SLC4A8: variants seen among roughly 807,000 people sequenced by gnomAD.
The protein encoded by SLC4A8 is electroneutral sodium bicarbonate exchanger 1.
A neutral mutation model predicts 125.0 loss-of-function variants in SLC4A8; 40 were observed. The observed-to-expected ratio is 0.32, with a 90% CI of 0.25 to 0.42. The LOEUF is 0.42. SLC4A8 is among the 10% of genes least tolerant of loss of function. The pLI, the probability that SLC4A8 is intolerant of heterozygous loss-of-function variation, is 1.00. For missense variants in SLC4A8, 863 were observed against 1,355.1 expected (o/e 0.64, Z 5.70); for synonymous variants, 456 against 476.0 (o/e 0.96, Z 0.55).
chr12:51,429,329 T>C (rs1029158406), intron 1 of SLC4A8, among the ~76,000 whole-genome samples: 1 of 152,234 alleles, frequency 6.6e-6, no homozygotes, highest in Non-Finnish European at 1.5e-5. Context: ...TGTGTCTTTG[T>C]TGCCTATAAC....
chr12:51,451,101 G>A (rs1949953480), intron 3 of SLC4A8, 79 bp downstream of exon 3: 2 of 1,200,702 alleles, frequency 1.7e-6, no homozygotes, highest in South Asian at 2.3e-5. Context: ...ACTGACATTA[G>A]CAGCTGGTCT....
chr12:51,443,126 T>C (rs1949654426), intron 2 of SLC4A8, among the ~76,000 whole-genome samples: 2 of 152,172 alleles, frequency 1.3e-5, no homozygotes, highest in South Asian at 4.1e-4. Context: ...TTTTTGTTTT[T>C]GTTTGATTGT....
intron 16 of SLC4A8, among the ~76,000 whole-genome samples, chr12:51,478,001 G>C (rs1329236505): frequency 1.3e-5 from 2 of 152,190 alleles, no homozygotes; most frequent in Non-Finnish European, 2.9e-5. Flanking sequence ...CATGGGCCGG[G>C]CGCAGTGGCT....
intron 1 of SLC4A8, among the ~76,000 whole-genome samples, chr12:51,418,854 C>CA (rs1948733971): frequency 6.6e-6 from 1 of 152,066 alleles, no homozygotes; most frequent in South Asian, 2.1e-4. Context: ...TAATGTGCTT[C>CA]AGTAATAGTT....
chr12:51,462,493 CT>C, intron 10 of SLC4A8, 37 bp downstream of exon 10: 1 of 1,510,304 alleles, frequency 6.6e-7, no homozygotes, highest in Non-Finnish European at 8.9e-7. Flanking sequence ...GCTATTGTCA[CT>C]TACTGACTGC....
chr12:51,450,989 C>T lies in SLC4A8; in HGVS notation c.244C>T (p.Gln82Ter). 3.2e-6 allele frequency: 5 copies of T among 1,562,790 alleles called. No individual in the cohort carries two copies. Among genetic ancestry groups the T allele is most frequent in the Non-Finnish European group, 4.3e-6 (5 of 1,152,092 alleles). The change falls in exon 3 of 25, where the codon CAG (glutamine) becomes TAG (stop). Residue 82 changes from glutamine to a stop codon, truncating the protein, a stop_gained. Transcript: ENST00000453097. LOFTEE classifies it high-confidence loss of function. ...RRRGRGKGAS[Q>*]GEEGLEALAH... ...ACGAGGGCGGGGCAAAGGAGCCAGCCAGGGGGAGGAAGGCCTGGAAGCCCT... is the reference window on the plus strand; with the variant it reads ...ACGAGGGCGGGGCAAAGGAGCCAGCTAGGGGGAGGAAGGCCTGGAAGCCCT...
At chr12:51,493,377 GGTGCGTTTGTGTGTGTGTGTGT>G (rs1333054470) in intron 19 of SLC4A8, among the ~76,000 whole-genome samples, 2 of 151,896 alleles carry the variant, frequency 1.3e-5, no homozygotes, top group Non-Finnish European at 2.9e-5. Context: ...ATAAGAGAGG[GGTGCGTTTGTGTGTGTGTGTGT>G]GTGTGTTTGT....
intron 1 of SLC4A8, among the ~76,000 whole-genome samples, chr12:51,406,843 G>T (rs1004818908): frequency 3.9e-5 from 6 of 152,228 alleles, no homozygotes; most frequent in African/African-American, 1.2e-4. Flanking sequence ...TGCAGCAGGG[G>T]ACTGCAGCTA....
At chr12:51,401,473 C>T (rs1389824331) in intron 1 of SLC4A8, among the ~76,000 whole-genome samples, 1 of 152,208 alleles carries the variant, frequency 6.6e-6, no homozygotes, top group Non-Finnish European at 1.5e-5. Context: ...CCCAGGCAAA[C>T]TCTATGTCTT....
chr12:51,437,065 T>C (rs1315924266), intron 1 of SLC4A8, among the ~76,000 whole-genome samples: 1 of 152,252 alleles, frequency 6.6e-6, no homozygotes, highest in Non-Finnish European at 1.5e-5. Context: ...GTAGTAATAA[T>C]ATATAATTTT....
At chr12:51,447,056 G>GTCTATCTGTCTATCTA (rs1949793962) in intron 2 of SLC4A8, among the ~76,000 whole-genome samples, 2 of 147,320 alleles carry the variant, frequency 1.4e-5, no homozygotes, top group African/African-American at 5.0e-5. Context: ...CTGTCTGTCT[G>GTCTATCTGTCTATCTA]TCTATCTATC....
intron 1 of SLC4A8, among the ~76,000 whole-genome samples, chr12:51,409,966 TC>T (rs1948564640): frequency 6.6e-6 from 1 of 152,238 alleles, no homozygotes; most frequent in South Asian, 2.1e-4. Context: ...CATGTCTCGT[TC>T]CGATGGCTAT....
chr12:51,415,925 A>T (rs562851043), intron 1 of SLC4A8, among the ~76,000 whole-genome samples: 7 of 151,488 alleles, frequency 4.6e-5, no homozygotes, highest in African/African-American at 1.7e-4. Context: ...AAAATTAAAT[A>T]TAATAATATA....
intron 11 of SLC4A8, among the ~76,000 whole-genome samples, chr12:51,468,317 G>T (rs1950583263): frequency 6.6e-6 from 1 of 152,162 alleles, no homozygotes; most frequent in African/African-American, 2.4e-5. Flanking sequence ...ATTAGCTCTT[G>T]AATCCATCCA....
intron 2 of SLC4A8, among the ~76,000 whole-genome samples, chr12:51,447,623 G>T (rs780874611): frequency 1.3e-4 from 20 of 151,890 alleles, no homozygotes; most frequent in Non-Finnish European, 2.9e-4. Flanking sequence ...TCAAAACCAG[G>T]CCATTTGGTT....
At chr12:51,399,306 G>C (rs781191163) in intron 1 of SLC4A8, among the ~76,000 whole-genome samples, 30 of 152,122 alleles carry the variant, frequency 2.0e-4, no homozygotes, top group African/African-American at 7.2e-4. Flanking sequence ...AAGCTCAAAA[G>C]TATAGTGAAG....
Position 51,424,918 on chromosome 12 carries a change from C to G in SLC4A8, c.-70C>G, listed in dbSNP as rs1250404975. The G allele has an allele frequency of 2.0e-6, 3 of 1,511,514 alleles. No individual in the cohort carries two copies. Among genetic ancestry groups the G allele is most frequent in the South Asian group, 1.2e-5 (1 of 83,180 alleles). The allele number at this position is 1,511,514 out of a possible 1,614,324, so 93.6% of individuals were successfully genotyped here. A position where few individuals can be genotyped will look rare whatever the true frequency, so the allele number is the denominator to read the frequency against. ...TCGCCGTTCGAGTGATCTGCTCAGACCCGACCAGAGGGCGCGGGCTGCTGA... is the reference window on the plus strand; with the variant it reads ...TCGCCGTTCGAGTGATCTGCTCAGAGCCGACCAGAGGGCGCGGGCTGCTGA... On this transcript the variant is annotated 5_prime_UTR_variant, in exon 1 of 25. Transcript: ENST00000453097.
intron 1 of SLC4A8, 62 bp downstream of exon 1, chr12:51,425,097 C>A (rs1174232319): frequency 5.9e-6 from 9 of 1,523,652 alleles, no homozygotes; most frequent in Non-Finnish European, 7.9e-6. Flanking sequence ...CATCCTCTGC[C>A]CACCCTCCTT....
At chr12:51,476,911 T>C (rs899508264) in intron 16 of SLC4A8, among the ~76,000 whole-genome samples, 10 of 149,810 alleles carry the variant, frequency 6.7e-5, no homozygotes, top group East Asian at 1.9e-4. Flanking sequence ...CTTTTCTTTT[T>C]TTTTTTTTTT....
Sources: allele counts gnomAD v4.1 joint callset (sites outside exome capture counted in the v4.1 genomes callset), GRCh38; gene constraint gnomAD v4.1.1; transcripts MANE v1.5; gene names NCBI Gene and HGNC (gene_info 2026-07-23, HGNC 2026-07-21).